The following SLIT3 variants were observed in gnomAD, a reference collection of about 807,000 sequenced individuals.
The protein encoded by SLIT3 is slit guidance ligand 3.
In SLIT3, 68 loss-of-function variants were observed where a neutral mutation model predicts 184.0. The observed-to-expected ratio is 0.37, with a 90% CI of 0.30 to 0.45. The LOEUF is 0.45. SLIT3 is among the 20% of genes least tolerant of loss of function. The pLI is 1.00. For missense variants in SLIT3, 1,707 were observed against 2,026.0 expected (o/e 0.84, Z 3.02); for synonymous variants, 831 against 828.6 (o/e 1.00, Z -0.05).
rs547822620 is a variant in SLIT3 at position 169,119,802 on chromosome 5, C to T, written c.413+73677G>A. ...CCTGAGTTGCTAATTAAGTTATTTCCTTGTTCTTCTGACTGGAAATGTTTT... is the reference window on the plus strand; with the variant it reads ...CCTGAGTTGCTAATTAAGTTATTTCTTTGTTCTTCTGACTGGAAATGTTTT... On this transcript the variant is annotated intron_variant, in intron 4 of 35. Transcript: ENST00000519560. 129 of 152,324 alleles carry T rather than the reference C, an allele frequency of 8.5e-4. 1 individual carries two copies. Among genetic ancestry groups the T allele is most frequent in the African/African-American group, 3.1e-3 (127 of 41,576 alleles). 9.4% of individuals were successfully genotyped at this position (152,324 alleles called of 1,614,324 possible).
intron 4 of SLIT3, among the ~76,000 whole-genome samples, chr5:168,951,041 G>A: frequency 6.6e-6 from 1 of 152,146 alleles, no homozygotes; most frequent in East Asian, 1.9e-4. Context: ...GCAACATGGT[G>A]AAATCCCATC....
At chr5:168,991,828 T>C (rs527672272) in intron 4 of SLIT3, among the ~76,000 whole-genome samples, 4 of 152,040 alleles carry the variant, frequency 2.6e-5, no homozygotes, top group South Asian at 2.1e-4. Context: ...CATTCGCCTC[T>C]AACCCACACA....
chr5:168,760,714 A>G (rs1284184681), intron 16 of SLIT3, 148 bp downstream of exon 16: 1 of 632,054 alleles, frequency 1.6e-6, no homozygotes, highest in Non-Finnish European at 2.8e-6. Context: ...CTTGCTTCCT[A>G]ACAGAGGCCA....
At chr5:169,069,495 C>T (rs1158312559) in intron 4 of SLIT3, among the ~76,000 whole-genome samples, 2 of 152,096 alleles carry the variant, frequency 1.3e-5, no homozygotes, top group Non-Finnish European at 2.9e-5. Flanking sequence ...CTGCAATTCA[C>T]TAGAGAGAGA....
chr5:168,833,454 C>G (rs1757943031), intron 6 of SLIT3, among the ~76,000 whole-genome samples: 1 of 152,152 alleles, frequency 6.6e-6, no homozygotes. Context: ...TCCCTGGCAG[C>G]CAGGGATCAA....
At chr5:169,074,118 G>A (rs1433932674) in intron 4 of SLIT3, among the ~76,000 whole-genome samples, 1 of 152,192 alleles carries the variant, frequency 6.6e-6, no homozygotes. Flanking sequence ...TGGATGGAGG[G>A]AGCAGTAGTT....
chr5:168,835,724 T>G (rs530332175), intron 6 of SLIT3, among the ~76,000 whole-genome samples: 2 of 151,314 alleles, frequency 1.3e-5, no homozygotes, highest in Non-Finnish European at 2.9e-5. Flanking sequence ...GACAAGAGAG[T>G]TGCTTGAACT....
At chr5:169,239,338 A>G (rs564885859) in intron 3 of SLIT3, among the ~76,000 whole-genome samples, 3 of 152,230 alleles carry the variant, frequency 2.0e-5, no homozygotes, top group South Asian at 4.1e-4. Flanking sequence ...TCTCAAGGTT[A>G]TGCTGGCTAA....
intron 35 of SLIT3, among the ~76,000 whole-genome samples, chr5:168,668,827 C>T (rs1016140724): frequency 2.0e-5 from 3 of 152,190 alleles, no homozygotes; most frequent in Admixed American, 6.5e-5. Context: ...CTCTGTCACC[C>T]AGGTTGATCT....
intron 9 of SLIT3, among the ~76,000 whole-genome samples, chr5:168,799,812 T>C (rs1050361744): frequency 2.0e-5 from 3 of 152,208 alleles, no homozygotes; most frequent in Non-Finnish European, 2.9e-5. Context: ...ATGAACCAAG[T>C]AGTATTATTA....
intron 4 of SLIT3, among the ~76,000 whole-genome samples, chr5:169,124,007 A>C (rs1760985370): frequency 6.6e-6 from 1 of 152,182 alleles, no homozygotes; most frequent in South Asian, 2.1e-4. Flanking sequence ...CCTCTCATCA[A>C]GCAAGGGCAA....
chr5:169,193,434 G>A, intron 4 of SLIT3, 45 bp downstream of exon 4: 1 of 1,541,714 alleles, frequency 6.5e-7, no homozygotes, highest in African/African-American at 1.4e-5. Flanking sequence ...CATCACCCAA[G>A]CCAGGCAAGG....
rs946245519 is a variant in SLIT3, at chr5:168,673,050, G to A, written c.3841+127C>T. On this transcript the variant is annotated intron_variant, in intron 33 of 35. Transcript: ENST00000519560. ...CTGGCTAGTGCTTATTCACCTTTTA[G>A]AGATCAGCTTCGTTGTCCCTTCCTC... The A allele has an allele frequency of 2.4e-5, 20 of 845,742 alleles. No individual in the cohort carries two copies. The African/African-American group carries it at 3.0e-4, about 13-fold the overall frequency. 52.4% of individuals were successfully genotyped at this position (845,742 alleles called of 1,614,324 possible). A position where few individuals can be genotyped will look rare whatever the true frequency, so the allele number is the denominator to read the frequency against.
At chr5:168,855,637 T>C (rs1284617038) in intron 5 of SLIT3, among the ~76,000 whole-genome samples, 1 of 152,218 alleles carries the variant, frequency 6.6e-6, no homozygotes, top group Non-Finnish European at 1.5e-5. Context: ...TCAACTATTG[T>C]GTGATTCCAT....
intron 3 of SLIT3, among the ~76,000 whole-genome samples, chr5:169,224,249 T>C (rs2113537059): frequency 6.6e-6 from 1 of 152,272 alleles, no homozygotes; most frequent in East Asian, 1.9e-4. Context: ...CAATAGGATA[T>C]CACTACAGAA....
chr5:168,817,236 T>C (rs2113656182), intron 8 of SLIT3, 64 bp downstream of exon 8: 13 of 1,480,062 alleles, frequency 8.8e-6, no homozygotes, highest in South Asian at 2.3e-5. Context: ...CAGGGTGATG[T>C]TGTGGGAGCT....
At chr5:168,925,344 C>T (rs990759390) in intron 4 of SLIT3, among the ~76,000 whole-genome samples, 1 of 152,140 alleles carries the variant, frequency 6.6e-6, no homozygotes, top group Non-Finnish European at 1.5e-5. Context: ...GCAGCCACCC[C>T]AGCTGCCAGA....
intron 4 of SLIT3, among the ~76,000 whole-genome samples, chr5:169,141,419 G>GTTTTTT (rs1554101709): frequency 7.0e-6 from 1 of 143,150 alleles, no homozygotes; most frequent in African/African-American, 2.6e-5. Context: ...TTTGTTGTTT[G>GTTTTTT]TTTTGTTTTT....
intron 14 of SLIT3, chr5:168,772,518 G>T: frequency 2.0e-6 from 1 of 493,912 alleles, no homozygotes. Flanking sequence ...GAGACACGCT[G>T]CTGCCTGGGT....
Sources: gnomAD v4.1 joint callset for allele counts (sites outside exome capture counted in the v4.1 genomes callset) on GRCh38, gnomAD v4.1.1 for gene constraint, MANE v1.5 for transcripts, NCBI Gene and HGNC (gene_info 2026-07-23, HGNC 2026-07-21) for gene names.